ST6GAL1: variants seen among roughly 807,000 people sequenced by gnomAD.
ST6GAL1 encodes the protein beta-galactoside alpha-2,6-sialyltransferase 1.
ST6GAL1 carries 20 observed loss-of-function variants against 38.0 expected under a neutral mutation model. That is an observed-to-expected ratio of 0.53 (90% CI 0.37 to 0.77). The LOEUF (loss-of-function observed/expected upper bound fraction) is 0.77, where lower values mean the gene tolerates loss of function less well. Among genes scored for constraint, ST6GAL1 ranks in the 30% least tolerant of loss-of-function variants. The probability of loss-of-function intolerance (pLI) is 0.00; values close to 1 mark genes in which losing one functional copy is unlikely to be tolerated. For synonymous variants in ST6GAL1, 196 were observed against 188.2 expected (o/e 1.04, Z -0.34); for missense variants, 432 against 496.4 (o/e 0.87, Z 1.23).
rs1715528119 is a variant in ST6GAL1 at position 186,976,563 on chromosome 3, G to C, written c.-183+12637G>C. On this transcript the variant is annotated intron_variant, in intron 2 of 7. Coordinates refer to ENST00000169298, the MANE Select transcript of ST6GAL1 (RefSeq NM_173216.2). ...TCCTGCTTCAGCCTCCCAAGTAGCT[G>C]GAACTACAGGCATGTGCCCCCACAC... 2.6e-5 allele frequency among the ~76,000 whole-genome samples: 4 copies of C among 152,024 alleles called. No individual in the cohort carries two copies. The South Asian group carries it at 8.3e-4, about 32-fold the overall frequency.
intron 2 of ST6GAL1, among the ~76,000 whole-genome samples, chr3:187,000,487 G>A (rs538777861): frequency 3.3e-5 from 5 of 152,130 alleles, no homozygotes; most frequent in Non-Finnish European, 7.4e-5. Flanking sequence ...GCTTGAACCC[G>A]GGAGGCCGAG....
intron 2 of ST6GAL1, among the ~76,000 whole-genome samples, chr3:187,003,179 C>G (rs1010304645): frequency 6.6e-6 from 1 of 152,136 alleles, no homozygotes; most frequent in African/African-American, 2.4e-5. Context: ...AAAACCAAAC[C>G]AAACCAAAAC....
intron 2 of ST6GAL1, chr3:186,975,224 G>A (rs1001433678): frequency 6.5e-6 from 1 of 152,680 alleles, no homozygotes; most frequent in African/African-American, 2.4e-5. Flanking sequence ...GGAGTGAGTG[G>A]GAGTATGGCC....
In ST6GAL1 at chr3:187,038,210, T is replaced by C. The variant is rs112003629; in HGVS notation, c.-182-532T>C. 8.3e-3 allele frequency among the ~76,000 whole-genome samples: 1,231 copies of C among 147,976 alleles called. 22 individuals carry two copies. The highest frequency in any genetic ancestry group is 0.029 in the African/African-American group (1,167 of 40,466). Reference sequence around the variant, plus strand: ...TCAAGTCTATTTCTTTTTTTTTTTTTTTTTTTTTCTTTTGAGACAGAGTCT... The same window carrying C: ...TCAAGTCTATTTCTTTTTTTTTTTTCTTTTTTTTCTTTTGAGACAGAGTCT... On this transcript the variant is annotated intron_variant, in intron 2 of 7. Coordinates refer to ENST00000169298, the MANE Select transcript of ST6GAL1 (RefSeq NM_173216.2).
chr3:187,068,817 T>C (rs1719262570), intron 5 of ST6GAL1, among the ~76,000 whole-genome samples: 1 of 152,218 alleles, frequency 6.6e-6, no homozygotes, highest in African/African-American at 2.4e-5. Context: ...GAAAGAAGCA[T>C]AGCTAAAGAA....
chr3:187,002,266 T>A (rs2108553460), intron 2 of ST6GAL1, among the ~76,000 whole-genome samples: 1 of 152,340 alleles, frequency 6.6e-6, no homozygotes, highest in Admixed American at 6.5e-5. Context: ...TTTAGTGATT[T>A]CCCTCCCACA....
intron 2 of ST6GAL1, among the ~76,000 whole-genome samples, chr3:187,009,394 A>C (rs917782143): frequency 6.6e-5 from 10 of 152,152 alleles, no homozygotes; most frequent in Non-Finnish European, 1.5e-4. Context: ...CTGAATTGAT[A>C]ATTGTTGATG....
At chr3:186,967,124 A>G (rs1715158298) in intron 2 of ST6GAL1, among the ~76,000 whole-genome samples, 1 of 152,144 alleles carries the variant, frequency 6.6e-6, no homozygotes, top group Non-Finnish European at 1.5e-5. Context: ...CAAGAACTCT[A>G]AAGGAGAAAT....
chr3:187,050,103 A>G (rs2108585967), intron 4 of ST6GAL1, among the ~76,000 whole-genome samples: 1 of 152,304 alleles, frequency 6.6e-6, no homozygotes, highest in Middle Eastern at 3.4e-3. Context: ...ATAAAGAGAG[A>G]GGCTTTCATC....
At chr3:187,057,788 G>C (rs536494399) in intron 5 of ST6GAL1, among the ~76,000 whole-genome samples, 54 of 152,316 alleles carry the variant, frequency 3.5e-4, no homozygotes, top group African/African-American at 1.3e-3. Context: ...CGTTCTCCGA[G>C]TTCAAACACC....
rs929081755 is a variant in ST6GAL1, at chr3:186,934,180, G to A, written c.-325+3346G>A. ...TCTGCACAGGCTGTTCCAGCGGAGC[G>A]GAAGATGCTCAGGCCATAGGAGGGG... On this transcript the variant is annotated intron_variant, in intron 1 of 7. Transcript: ENST00000169298. 2.0e-5 allele frequency among the ~76,000 whole-genome samples: 3 copies of A among 152,276 alleles called. No individual in the cohort carries two copies. In the Middle Eastern group the frequency reaches 0.01, roughly 518 times the overall value.
At chr3:187,059,383 A>C (rs1579371076) in intron 5 of ST6GAL1, among the ~76,000 whole-genome samples, 1 of 152,216 alleles carries the variant, frequency 6.6e-6, no homozygotes, top group East Asian at 1.9e-4. Context: ...TCTCATGCCT[A>C]GTCAGGAACC....
intron 2 of ST6GAL1, among the ~76,000 whole-genome samples, chr3:186,980,603 CAAAA>C (rs34503745): frequency 3.3e-5 from 3 of 92,166 alleles, no homozygotes; most frequent in Non-Finnish European, 6.2e-5. Context: ...ACTAAAATTA[CAAAA>C]AAAAAAAAAA....
chr3:187,036,924 C>T (rs1194677540), intron 2 of ST6GAL1, among the ~76,000 whole-genome samples: 3 of 152,114 alleles, frequency 2.0e-5, no homozygotes, highest in African/African-American at 7.2e-5. Context: ...CCCTTTTCTT[C>T]TTTGTGTGCG....
intron 2 of ST6GAL1, among the ~76,000 whole-genome samples, chr3:186,975,806 C>T (rs1372312897): frequency 6.6e-6 from 1 of 152,192 alleles, no homozygotes; most frequent in Admixed American, 6.5e-5. Flanking sequence ...GTGAGGCTGG[C>T]ACTGAAGGAG....
chr3:187,017,597 C>A (rs1717158652), intron 2 of ST6GAL1, among the ~76,000 whole-genome samples: 1 of 152,150 alleles, frequency 6.6e-6, no homozygotes, highest in African/African-American at 2.4e-5. Flanking sequence ...GTCCATTTGG[C>A]CTTGGACGGG....
chr3:187,036,866 C>G (rs1717947252), intron 2 of ST6GAL1, among the ~76,000 whole-genome samples: 1 of 152,306 alleles, frequency 6.6e-6, no homozygotes. Context: ...AGCCTGCATA[C>G]ATACCCCCTG....
intron 2 of ST6GAL1, among the ~76,000 whole-genome samples, chr3:186,979,840 T>C (rs2108536753): frequency 6.6e-6 from 1 of 152,332 alleles, no homozygotes; most frequent in East Asian, 1.9e-4. Context: ...GCACTTTAAT[T>C]GCTAATTGTG....
intron 2 of ST6GAL1, among the ~76,000 whole-genome samples, chr3:186,992,610 A>G (rs889786073): frequency 6.6e-6 from 1 of 152,180 alleles, no homozygotes; most frequent in Non-Finnish European, 1.5e-5. Flanking sequence ...CCTGGCCAAC[A>G]TGGTGAAACC....
Sources: gnomAD v4.1 joint callset for allele counts (sites outside exome capture counted in the v4.1 genomes callset) on GRCh38, gnomAD v4.1.1 for gene constraint, MANE v1.5 for transcripts, NCBI Gene and HGNC (gene_info 2026-07-23, HGNC 2026-07-21) for gene names.